The following PRH1 variants were observed in gnomAD, a reference collection of about 807,000 sequenced individuals.
The protein encoded by PRH1 is proline rich protein HaeIII subfamily 1.
Under a neutral mutation model 7.9 loss-of-function variants are expected in PRH1, and 7 were observed. That is an observed-to-expected ratio of 0.89 (90% confidence interval 0.50 to 1.67). PRH1 has a LOEUF of 1.67. Ranked by LOEUF, PRH1 falls within the 40% of genes most tolerant of loss-of-function variation. The pLI is 0.00. For missense variants in PRH1, 109 were observed against 223.6 expected, an observed-to-expected ratio of 0.49 and a Z score of 3.27; for synonymous variants, 45 against 80.8, an observed-to-expected ratio of 0.56 and a Z score of 2.38.
intron 1 of PRH1, among the ~76,000 whole-genome samples, chr12:11,065,182 T>C (rs1205845035): frequency 6.6e-6 from 1 of 152,168 alleles, no homozygotes; most frequent in Non-Finnish European, 1.5e-5. Context: ...TTTTTGTCTG[T>C]TGAAAATCAG....
In PRH1 at chr12:11,092,835, G is replaced by C. The variant is rs1396977536; in HGVS notation, n.124-45647C>G. 1.0e-4 allele frequency among the ~76,000 whole-genome samples: 12 copies of C among 115,408 alleles called. 3 individuals are homozygous for C. The Admixed American group carries it at 1.0e-3, about 10-fold the overall frequency. 75.7% of individuals were successfully genotyped at this position (115,408 alleles called of 152,430 possible). On this transcript the variant is annotated intron_variant and non_coding_transcript_variant, in intron 1 of 4. Transcript: ENST00000541977. ...TATGCACCTGATTTGTGAATGTGCTGTGACATTCTTTTTACTTTTAATTGT... is the reference window on the plus strand; with the variant it reads ...TATGCACCTGATTTGTGAATGTGCTCTGACATTCTTTTTACTTTTAATTGT...
intron 2 of PRH1, among the ~76,000 whole-genome samples, chr12:10,946,071 C>A (rs1273986479): frequency 6.6e-6 from 1 of 152,106 alleles, no homozygotes; most frequent in Non-Finnish European, 1.5e-5. Flanking sequence ...GCAGTTAATG[C>A]AATCATCACA....
intron 2 of PRH1, among the ~76,000 whole-genome samples, chr12:10,969,830 C>G (rs1938711488): frequency 1.3e-5 from 2 of 152,124 alleles, no homozygotes; most frequent in African/African-American, 4.8e-5. Context: ...GATGGAGTCT[C>G]ACTCTGTTGC....
intron 2 of PRH1, among the ~76,000 whole-genome samples, chr12:10,965,609 G>T (rs1938464226): frequency 6.6e-6 from 1 of 152,150 alleles, no homozygotes; most frequent in Non-Finnish European, 1.5e-5. Context: ...GTCTGTTCTT[G>T]TTAGAGACTT....
intron 1 of PRH1, among the ~76,000 whole-genome samples, chr12:10,988,371 T>C (rs7136962): frequency 0.23 from 34,800 of 151,898 alleles, 4,076 homozygotes; most frequent in Non-Finnish European, 0.24. Context: ...AGTTTTGTCA[T>C]GTGAGGTAGA....
At chr12:11,121,290 G>T (rs1177516746) in intron 1 of PRH1, 1 of 152,132 alleles carries the variant, frequency 6.6e-6, no homozygotes, top group African/African-American at 2.4e-5. Flanking sequence ...TCAATATATT[G>T]ATTAGACAGA....
chr12:11,019,889 C>T (rs1047047462), intron 1 of PRH1, among the ~76,000 whole-genome samples: 13 of 152,406 alleles, frequency 8.5e-5, no homozygotes, highest in East Asian at 1.9e-4. Flanking sequence ...CTGCTAGCCC[C>T]GAGCAGCTGG....
At chr12:10,936,540 C>T (rs1267268609) in intron 2 of PRH1, among the ~76,000 whole-genome samples, 1 of 152,102 alleles carries the variant, frequency 6.6e-6, no homozygotes, top group Non-Finnish European at 1.5e-5. Flanking sequence ...CCAAAACTTT[C>T]CTTTATGTTC....
Position 10,986,634 on chromosome 12 carries a change from T to C in PRH1, c.-125-12913A>G, listed in dbSNP as rs79414852. On this transcript the variant is annotated intron_variant, in intron 1 of 3. Coordinates refer to the PRH1 transcript ENST00000539853. ...AGAAGTAATTCTTAATTCTACACTA[T>C]AAAAAGCTGGATTCAACACAGTTAA... is the stretch of plus-strand genomic sequence containing the variant. The C allele has an allele frequency of 1.3e-5, 21 of 1,613,114 alleles. No homozygotes were observed. The highest frequency in any genetic ancestry group is 8.0e-5 in the African/African-American group (6 of 74,746).
chr12:11,147,298 C>G (rs149734263), intron 1 of PRH1, among the ~76,000 whole-genome samples: 2,325 of 152,202 alleles, frequency 0.015, 19 homozygotes, highest in South Asian at 0.031. Context: ...TCAGATCCTC[C>G]CACCTCAGCT....
At chr12:11,058,772 A>AG (rs1943470174) in intron 1 of PRH1, among the ~76,000 whole-genome samples, 1 of 152,218 alleles carries the variant, frequency 6.6e-6, no homozygotes, top group Admixed American at 6.5e-5. Flanking sequence ...CTATGGAATT[A>AG]GTGCAAGACC....
intron 2 of PRH1, among the ~76,000 whole-genome samples, chr12:10,963,580 G>A (rs917963569): frequency 1.1e-4 from 16 of 152,074 alleles, no homozygotes; most frequent in Admixed American, 6.6e-5. Flanking sequence ...TTTGGTATCC[G>A]ATCTCAATTT....
intron 1 of PRH1, among the ~76,000 whole-genome samples, chr12:11,068,712 T>C (rs1943927290): frequency 6.6e-6 from 1 of 152,194 alleles, no homozygotes; most frequent in Non-Finnish European, 1.5e-5. Flanking sequence ...CATAATTCCA[T>C]CTGTATATTT....
At chr12:10,900,935 G>C (rs1949714351) in intron 2 of PRH1, among the ~76,000 whole-genome samples, 1 of 152,088 alleles carries the variant, frequency 6.6e-6, no homozygotes, top group Admixed American at 6.5e-5. Flanking sequence ...GGTGCAATGG[G>C]GCCCTCTCTG....
At chr12:10,983,330 T>C (rs1939446902) in intron 1 of PRH1, among the ~76,000 whole-genome samples, 1 of 152,236 alleles carries the variant, frequency 6.6e-6, no homozygotes, top group South Asian at 2.1e-4. Flanking sequence ...TGTGAAGTCA[T>C]ATGCCTATAA....
Position 11,091,115 on chromosome 12 carries a change from C to CACACACAT in PRH1, n.124-43928_124-43927insATGTGTGT, listed in dbSNP as rs751016037. 5.2e-4 allele frequency among the ~76,000 whole-genome samples: 13 copies of CACACACAT among 25,106 alleles called. 1 individual carries two copies. Among genetic ancestry groups the CACACACAT allele is most frequent in the Admixed American group, 1.4e-3 (2 of 1,468 alleles). 16.5% of individuals were successfully genotyped at this position (25,106 alleles called of 152,430 possible). The stretch of plus-strand genomic sequence containing the variant: ...ACACAAATACACACACACACACACA[C>CACACACAT]ATATATATATATATATATATATATA... On this transcript the variant is annotated intron_variant and non_coding_transcript_variant, in intron 1 of 4. Transcript: ENST00000541977.
At chr12:10,965,389 T>G in intron 2 of PRH1, 122 of 835,880 alleles carry the variant, frequency 1.5e-4, no homozygotes, top group Middle Eastern at 2.7e-4. Context: ...AATGAAGGCC[T>G]AACAGCACTG....
chr12:11,036,148 C>T (rs1025507476), intron 1 of PRH1, among the ~76,000 whole-genome samples: 12 of 152,230 alleles, frequency 7.9e-5, no homozygotes, highest in Non-Finnish European at 1.6e-4. Flanking sequence ...CCACCTCGGC[C>T]TCCCGAAGTG....
chr12:11,013,098 A>G (rs1031057033), intron 1 of PRH1, among the ~76,000 whole-genome samples: 17 of 152,152 alleles, frequency 1.1e-4, no homozygotes, highest in African/African-American at 4.1e-4. Flanking sequence ...CAAAAAGTGA[A>G]AAACCAGTCC....
Sources: gnomAD v4.1 joint callset for allele counts (sites outside exome capture counted in the v4.1 genomes callset) on GRCh38, gnomAD v4.1.1 for gene constraint, MANE v1.5 for transcripts, NCBI Gene and HGNC (gene_info 2026-07-23, HGNC 2026-07-21) for gene names.